Variants in PCCA observed in about 807,000 individuals in gnomAD.
PCCA encodes propionyl-CoA carboxylase alpha chain, mitochondrial.
A neutral mutation model predicts 101.3 loss-of-function variants in PCCA; 74 were observed. The observed-to-expected ratio is 0.73, with a 90% confidence interval of 0.61 to 0.89. The LOEUF is 0.89. Ranked by LOEUF, PCCA falls within the 40% of genes least tolerant of loss-of-function variation. PCCA has a pLI of 0.00. For missense variants in PCCA, 891 were observed against 907.0 expected (o/e 0.98, Z 0.23); for synonymous variants, 294 against 313.6 (o/e 0.94, Z 0.66).
Position 100,148,708 on chromosome 13 carries a change from G to A in PCCA, c.301-6271G>A, listed in dbSNP as rs527462691. Among the ~76,000 whole-genome samples, 4 of 152,120 alleles carry A rather than the reference G, an allele frequency of 2.6e-5. No homozygotes were observed. In the East Asian group the frequency reaches 5.8e-4, roughly 22 times the overall value. Reference sequence around the variant, plus strand: ...AAACAAAAAACAAAAAACCCAAACAGCAAAAAAACCCCAAAACACCTTTGT... The same window carrying A: ...AAACAAAAAACAAAAAACCCAAACAACAAAAAAACCCCAAAACACCTTTGT... On this transcript the variant is annotated intron_variant, in intron 4 of 23. Transcript: ENST00000376285.
intron 6 of PCCA, among the ~76,000 whole-genome samples, chr13:100,178,873 C>G (rs1352950158): frequency 2.0e-5 from 3 of 151,390 alleles, no homozygotes; most frequent in Non-Finnish European, 2.9e-5. Flanking sequence ...GTCAGGAGAT[C>G]GAGACCATCT....
intron 21 of PCCA, among the ~76,000 whole-genome samples, chr13:100,460,822 A>G (rs943805526): frequency 2.6e-5 from 4 of 152,252 alleles, no homozygotes; most frequent in Non-Finnish European, 5.9e-5. Context: ...GAACTCCATC[A>G]GTTTAACTCA....
intron 12 of PCCA, 120 bp from the exon 13 acceptor site, chr13:100,301,340 T>C: frequency 9.7e-7 from 1 of 1,030,586 alleles, no homozygotes; most frequent in Non-Finnish European, 1.5e-6. Context: ...TAGTCAAATA[T>C]GTTCAAATGT....
chr13:100,256,095 C>T (rs2062054673), intron 8 of PCCA, among the ~76,000 whole-genome samples: 1 of 152,122 alleles, frequency 6.6e-6, no homozygotes, highest in Non-Finnish European at 1.5e-5. Context: ...GCAATCTCCG[C>T]CTCCCAGGTT....
At chr13:100,114,667 G>A (rs2048632383) in intron 4 of PCCA, among the ~76,000 whole-genome samples, 1 of 152,118 alleles carries the variant, frequency 6.6e-6, no homozygotes, top group African/African-American at 2.4e-5. Context: ...ATCACAAACA[G>A]GTATATGTAA....
chr13:100,494,105 C>CT (rs2085101416), intron 21 of PCCA, among the ~76,000 whole-genome samples: 2 of 151,202 alleles, frequency 1.3e-5, no homozygotes, highest in South Asian at 4.2e-4. Context: ...GGGAGAAGGG[C>CT]TTGAAACCAG....
rs368428677 is a variant in PCCA, at chr13:100,381,273, C to T, written c.1746+12699C>T. On this transcript the variant is annotated intron_variant, in intron 19 of 23. Transcript: ENST00000376285. ...GCATGGTGATGGGCGCCTGTAGTCC[C>T]AGCTCCTTGGGAGGCTGAGGCAGGA... 1.1e-3 allele frequency among the ~76,000 whole-genome samples: 165 copies of T among 152,160 alleles called. 6 individuals are homozygous for T. In the South Asian group the frequency reaches 0.031, roughly 29 times the overall value.
At chr13:100,123,671 C>G (rs931206908) in intron 4 of PCCA, among the ~76,000 whole-genome samples, 2 of 151,886 alleles carry the variant, frequency 1.3e-5, no homozygotes, top group Non-Finnish European at 2.9e-5. Context: ...CAAGAATAGC[C>G]TAGATAATTC....
intron 6 of PCCA, among the ~76,000 whole-genome samples, chr13:100,191,484 C>T (rs1594643449): frequency 6.6e-6 from 1 of 152,160 alleles, no homozygotes; most frequent in Non-Finnish European, 1.5e-5. Flanking sequence ...CATATATCCT[C>T]ACAGATAGGG....
intron 11 of PCCA, 48 bp from the exon 12 acceptor site, chr13:100,273,148 A>C: frequency 6.8e-7 from 1 of 1,466,134 alleles, no homozygotes; most frequent in Non-Finnish European, 9.6e-7. Flanking sequence ...ACAAAAGATA[A>C]CTTGATTTTT....
chr13:100,345,552 A>T (rs1031707308), intron 18 of PCCA, among the ~76,000 whole-genome samples: 1 of 152,230 alleles, frequency 6.6e-6, no homozygotes, highest in Non-Finnish European at 1.5e-5. Flanking sequence ...CTGTCTCCAT[A>T]ACATAAAAGT....
At chr13:100,420,457 G>A (rs1425810777) in intron 19 of PCCA, among the ~76,000 whole-genome samples, 2 of 152,118 alleles carry the variant, frequency 1.3e-5, no homozygotes, top group Non-Finnish European at 2.9e-5. Context: ...GCTCGTGCCT[G>A]TAGTCCCAGC....
At chr13:100,469,642 G>A (rs1193779088) in intron 21 of PCCA, among the ~76,000 whole-genome samples, 1 of 151,908 alleles carries the variant, frequency 6.6e-6, no homozygotes, top group East Asian at 1.9e-4. Context: ...TGGGCGTGGT[G>A]GCAGGCGCCT....
chr13:100,148,300 T>C (rs957512655), intron 4 of PCCA, among the ~76,000 whole-genome samples: 1 of 152,160 alleles, frequency 6.6e-6, no homozygotes, highest in African/African-American at 2.4e-5. Context: ...CTCAAAGGCA[T>C]TTGTTCAAGT....
chr13:100,135,404 AT>A (rs1245021495), intron 4 of PCCA, among the ~76,000 whole-genome samples: 2 of 151,950 alleles, frequency 1.3e-5, no homozygotes, highest in Non-Finnish European at 2.9e-5. Flanking sequence ...TAAAAAAATT[AT>A]TGTTTAGGCC....
intron 4 of PCCA, 46 bp downstream of exon 4, chr13:100,112,107 C>T (rs761094798): frequency 7.0e-7 from 1 of 1,429,868 alleles, no homozygotes; most frequent in Non-Finnish European, 9.8e-7. Context: ...AATTTTGGGT[C>T]AAGCAGAAAA....
At position 100,526,409 on chromosome 13, in the gene PCCA, T is replaced by G. The variant is rs992504822; in HGVS notation, c.2041-1266T>G. On this transcript the variant is annotated intron_variant, in intron 22 of 23. Transcript: ENST00000376285. ...CTTGGCATCGTCTCTCTTCCTATATTTCTATGCCAGGAAGAAGCAGCCCAC... is the reference window on the plus strand; with the variant it reads ...CTTGGCATCGTCTCTCTTCCTATATGTCTATGCCAGGAAGAAGCAGCCCAC... Among the ~76,000 whole-genome samples, 3 of 152,324 alleles carry G rather than the reference T, an allele frequency of 2.0e-5. 1 individual carries two copies. In the East Asian group the frequency reaches 5.8e-4, roughly 29 times the overall value.
At chr13:100,129,021 T>C (rs1347216767) in intron 4 of PCCA, among the ~76,000 whole-genome samples, 1 of 152,218 alleles carries the variant, frequency 6.6e-6, no homozygotes, top group Non-Finnish European at 1.5e-5. Context: ...GTGACGTCTC[T>C]AGTTGAATGT....
At chr13:100,456,324 C>T (rs1360280767) in intron 21 of PCCA, among the ~76,000 whole-genome samples, 1 of 152,128 alleles carries the variant, frequency 6.6e-6, no homozygotes, top group Non-Finnish European at 1.5e-5. Context: ...TTTGGCTTTT[C>T]AATAAGGCAA....
Sources: gnomAD v4.1 joint callset for allele counts (sites outside exome capture counted in the v4.1 genomes callset) on GRCh38, gnomAD v4.1.1 for gene constraint, MANE v1.5 for transcripts, NCBI Gene and HGNC (gene_info 2026-07-23, HGNC 2026-07-21) for gene names.